The following STK36 variants were observed in gnomAD, a reference collection of about 807,000 sequenced individuals.
STK36 encodes the protein serine/threonine kinase 36, also known as serine/threonine-protein kinase 36.
Under a neutral mutation model 142.2 loss-of-function variants are expected in STK36, and 116 were observed. The observed-to-expected ratio is 0.82, with a 90% CI of 0.70 to 0.95. STK36 has a LOEUF of 0.95. Among genes scored for constraint, STK36 ranks in the 40% least tolerant of loss-of-function variants. The pLI is 0.00. For missense variants in STK36, 1,422 were observed against 1,617.2 expected, an observed-to-expected ratio of 0.88 and a Z score of 2.07; for synonymous variants, 619 against 641.7, an observed-to-expected ratio of 0.96 and a Z score of 0.53.
intron 11 of STK36, 50 bp from the exon 12 acceptor site, chr2:218,688,647 T>C: frequency 6.3e-7 from 1 of 1,580,748 alleles, no homozygotes; most frequent in African/African-American, 1.4e-5. Flanking sequence ...GTTCTCCTTC[T>C]TTTACCTCTG....
At chr2:218,682,308 C>T (rs542613650) in intron 10 of STK36, among the ~76,000 whole-genome samples, 1 of 152,114 alleles carries the variant, frequency 6.6e-6, no homozygotes, top group Non-Finnish European at 1.5e-5. Flanking sequence ...TCTCTCTCCC[C>T]CTATGGACAT....
At chr2:218,696,492 T>C in intron 21 of STK36, 35 bp from the exon 22 acceptor site, 1 of 1,600,986 alleles carries the variant, frequency 6.2e-7, no homozygotes, top group Non-Finnish European at 8.6e-7. Context: ...CCATTCCTCT[T>C]AGGCACCTGC....
Position 218,697,023 on chromosome 2 carries a change from T to C in STK36, c.2587-16T>C, listed in dbSNP as rs1941259071. 2.5e-6 allele frequency: 4 copies of C among 1,613,090 alleles called. No homozygotes were observed. The highest frequency in any genetic ancestry group is 1.3e-5 in the African/African-American group (1 of 74,990). ...CTTCTGTCTTTCCCCCCGCCCTCTT[T>C]CACTTTTATCTCTAGCAGGGGAAGG... On this transcript the variant is annotated splice_polypyrimidine_tract_variant and intron_variant, in intron 22 of 26. Coordinates refer to ENST00000295709, the MANE Select transcript of STK36 (RefSeq NM_015690.5).
At chr2:218,686,649 C>T (rs974901144) in intron 11 of STK36, among the ~76,000 whole-genome samples, 1 of 152,176 alleles carries the variant, frequency 6.6e-6, no homozygotes, top group Non-Finnish European at 1.5e-5. Context: ...TTTGTTTATC[C>T]ACTCACTAGT....
chr2:218,690,581 CTG>C (rs2106359009), intron 14 of STK36, 26 bp downstream of exon 14: 1 of 1,553,252 alleles, frequency 6.4e-7, no homozygotes, highest in East Asian at 2.2e-5. Flanking sequence ...TTCCAGATTT[CTG>C]TGTCTCCTAT....
At position 218,672,771 on chromosome 2, in the gene STK36, A is replaced by T. The variant is rs982094955; in HGVS notation, c.-59A>T. Reference sequence around the variant, plus strand: ...CCAGATGTTGTGGAACTGTCCCTGGATCTATAGCTCTTCACCGTCTCTACT... The same window carrying T: ...CCAGATGTTGTGGAACTGTCCCTGGTTCTATAGCTCTTCACCGTCTCTACT... On this transcript the variant is annotated 5_prime_UTR_variant, in exon 2 of 27. Coordinates refer to ENST00000295709, the MANE Select transcript of STK36 (RefSeq NM_015690.5). 9.0e-6 allele frequency: 14 copies of T among 1,562,138 alleles called. No individual in the cohort carries two copies. In the African/African-American group the frequency reaches 1.4e-4, roughly 15 times the overall value.
chr2:218,693,004 C>T (rs1941074629), intron 16 of STK36, among the ~76,000 whole-genome samples: 1 of 152,172 alleles, frequency 6.6e-6, no homozygotes, highest in African/African-American at 2.4e-5. Flanking sequence ...CTTTCCTGAT[C>T]CCTGTTGGTC....
At position 218,694,776 on chromosome 2, in the gene STK36, T is replaced by C; in HGVS notation, c.2511+141T>C. 1.4e-6 allele frequency: 1 copy of C among 715,116 alleles called. No individual in the cohort carries two copies. The highest frequency in any genetic ancestry group is 1.8e-5 in the South Asian group (1 of 54,418). The allele number at this position is 715,116 out of a possible 1,614,324, so 44.3% of individuals were successfully genotyped here. ...AGGAATCAAGGAGCCCTTCCTTTTCTAGATTTGTCGCCGGATGATAGGCCC... is the reference window on the plus strand; with the variant it reads ...AGGAATCAAGGAGCCCTTCCTTTTCCAGATTTGTCGCCGGATGATAGGCCC... On this transcript the variant is annotated intron_variant, in intron 21 of 26. Coordinates refer to ENST00000295709, the MANE Select transcript of STK36 (RefSeq NM_015690.5). This position sits in a 1 kb window ranked among gnomAD's most constrained non-coding sequence, Gnocchi z 4.4.
At chr2:218,701,799 A>T in intron 26 of STK36, 67 bp from the exon 27 acceptor site, 27 of 1,582,222 alleles carry the variant, frequency 1.7e-5, no homozygotes, top group Non-Finnish European at 2.3e-5. Context: ...AGTCCTCCGC[A>T]CCTGCCCCAG....
rs2106347154 is a variant in STK36 at position 218,679,238 on chromosome 2, C to T, written c.755C>T (p.Pro252Leu). The T allele has an allele frequency of 6.2e-7, 1 of 1,614,170 alleles. No homozygotes were observed. ...RLSWPDLLYH[P>L]FIAGHVTIIT... Reference sequence around the variant, plus strand: ...TCCTGGCCAGACCTCTTATATCACCCCTTTATTGCTGGTCATGTCACCAGT... The same window carrying T: ...TCCTGGCCAGACCTCTTATATCACCTCTTTATTGCTGGTCATGTCACCAGT... The change falls in exon 7 of 27, where the codon CCC becomes CTC. Residue 252 changes from proline to leucine, a missense_variant. Pro to Leu is a moderately conservative substitution (Grantham distance 98, BLOSUM62 -3). Around this residue, in one of 2 missense-constraint regions of STK36, gnomAD observed 460 missense variants for 449.6 expected, o/e 1.02. Coordinates refer to ENST00000295709, the MANE Select transcript of STK36 (RefSeq NM_015690.5).
In STK36 at chr2:218,676,027, A is replaced by G. The variant is rs560805842; in HGVS notation, c.435-2A>G. ...CCATTTCCATCCCATTATCTTCTGCAGATTTGCCCGGGCTATGAGCACCAA... is the reference window on the plus strand; with the variant it reads ...CCATTTCCATCCCATTATCTTCTGCGGATTTGCCCGGGCTATGAGCACCAA... On this transcript the variant is annotated splice_acceptor_variant, in intron 5 of 26. Coordinates refer to ENST00000295709, the MANE Select transcript of STK36 (RefSeq NM_015690.5). LOFTEE classifies it high-confidence loss of function. 6.2e-7 allele frequency: 1 copy of G among 1,613,600 alleles called. No homozygotes were observed. The highest frequency in any genetic ancestry group is 1.3e-5 in the African/African-American group (1 of 75,000).
chr2:218,692,800 G>A lies in STK36; in HGVS notation c.2043+90G>A, dbSNP rs1316080201. 4.7e-6 allele frequency: 7 copies of A among 1,478,542 alleles called. No homozygotes were observed. The Admixed American group carries it at 7.0e-5, about 15-fold the overall frequency. 91.6% of individuals were successfully genotyped at this position (1,478,542 alleles called of 1,614,324 possible). On this transcript the variant is annotated intron_variant, in intron 16 of 26. Coordinates refer to ENST00000295709, the MANE Select transcript of STK36 (RefSeq NM_015690.5). ...GTTTTTCAGAAAGGCAGAAAAACAA[G>A]CTTTTAAGCCCCTCCTTTAGTACTT...
At chr2:218,701,251 C>T (rs1391395527) in intron 26 of STK36, among the ~76,000 whole-genome samples, 7 of 151,380 alleles carry the variant, frequency 4.6e-5, no homozygotes, top group African/African-American at 1.7e-4. Context: ...TCTGCCTCAG[C>T]CTCCCGAGTA....
At chr2:218,682,368 C>T (rs1018884823) in intron 10 of STK36, among the ~76,000 whole-genome samples, 5 of 152,114 alleles carry the variant, frequency 3.3e-5, no homozygotes, top group African/African-American at 4.8e-5. Context: ...GCCCCTTTAC[C>T]CCTAAATACT....
At chr2:218,701,257 G>A (rs1442962093) in intron 26 of STK36, among the ~76,000 whole-genome samples, 4 of 150,660 alleles carry the variant, frequency 2.7e-5, no homozygotes, top group South Asian at 2.1e-4. Context: ...TCAGCCTCCC[G>A]AGTAGCTGGG....
chr2:218,696,970 G>A lies in STK36; in HGVS notation c.2587-69G>A, dbSNP rs1195692467. On this transcript the variant is annotated intron_variant, in intron 22 of 26. Coordinates refer to ENST00000295709, the MANE Select transcript of STK36 (RefSeq NM_015690.5). Reference sequence around the variant, plus strand: ...TCCTTTACTTGTAAGTCAGGGACAGGAATGAATAAAAGCATTTGGATTCCT... The same window carrying A: ...TCCTTTACTTGTAAGTCAGGGACAGAAATGAATAAAAGCATTTGGATTCCT... The A allele has an allele frequency of 4.4e-6, 7 of 1,593,626 alleles. No homozygotes were observed. The Admixed American group carries it at 5.0e-5, about 11-fold the overall frequency.
intron 11 of STK36, among the ~76,000 whole-genome samples, chr2:218,686,668 T>C (rs6729568): frequency 0.06 from 9,185 of 152,304 alleles, 923 homozygotes; most frequent in African/African-American, 0.21. Flanking sequence ...GTTGATTAGA[T>C]ATTGATGTAT....
intron 14 of STK36, 124 bp downstream of exon 14, chr2:218,690,679 C>A: frequency 1.3e-6 from 1 of 774,844 alleles, no homozygotes. Context: ...TAAATTCCCA[C>A]CATGCCATAT....
At chr2:218,674,638 G>T (rs899895558) in intron 4 of STK36, among the ~76,000 whole-genome samples, 2 of 152,166 alleles carry the variant, frequency 1.3e-5, no homozygotes, top group South Asian at 4.1e-4. Flanking sequence ...GTCTCGCTTT[G>T]TTGCCCAGGC....
Sources: gnomAD v4.1 joint callset for allele counts (sites outside exome capture counted in the v4.1 genomes callset) on GRCh38, gnomAD v4.1.1 for gene constraint, gnomAD v4.1.1 regional missense constraint, Gnocchi (gnomAD v3.1) non-coding constraint, MANE v1.5 for transcripts, NCBI Gene and HGNC (gene_info 2026-07-23, HGNC 2026-07-21) for gene names.